Variants in AHCY observed in about 807,000 individuals in gnomAD.
The protein encoded by AHCY is S-adenosyl-L-homocysteine hydrolase.
In AHCY, 24 loss-of-function variants were observed where a neutral mutation model predicts 45.4. The ratio of observed to expected loss-of-function variants is 0.53; its 90% confidence interval spans 0.38 to 0.74. The LOEUF (loss-of-function observed/expected upper bound fraction) is 0.74. AHCY is among the 30% of genes least tolerant of loss of function. AHCY has a pLI of 0.00. For synonymous variants in AHCY, 245 were observed against 235.1 expected, an observed-to-expected ratio of 1.04 and a Z score of -0.39; for missense variants, 449 against 594.1, an observed-to-expected ratio of 0.76 and a Z score of 2.54.
chr20:34,275,825 C>T (rs1036980955), downstream of AHCY, among the ~76,000 whole-genome samples: 2 of 151,854 alleles, frequency 1.3e-5, no homozygotes, highest in Non-Finnish European at 2.9e-5. Context: ...TACAGGCGTG[C>T]ATCACCATGC....
At chr20:34,258,222 A>G in the AHCY span, among the ~76,000 whole-genome samples, 10 of 151,964 alleles carry the variant, frequency 6.6e-5, no homozygotes, top group Non-Finnish European at 1.3e-4. Context: ...AGCAAACATG[A>G]TGTTCTTATT....
chr20:34,281,395 G>A (rs1168201831), intron 9 of AHCY, among the ~76,000 whole-genome samples: 2 of 152,190 alleles, frequency 1.3e-5, no homozygotes, highest in Non-Finnish European at 2.9e-5. Context: ...GGCTTGACAG[G>A]ACCATCAATC....
At chr20:34,246,390 G>GGTT in the AHCY span, 3 of 1,407,816 alleles carry the variant, frequency 2.1e-6, no homozygotes, top group Non-Finnish European at 3.0e-6. Context: ...TGTTTACAAT[G>GGTT]AGCAACATCA....
At chr20:34,260,713 T>A in the AHCY span, among the ~76,000 whole-genome samples, 1 of 152,214 alleles carries the variant, frequency 6.6e-6, no homozygotes, top group Admixed American at 6.5e-5. Flanking sequence ...AAGCTCTGCA[T>A]GCCACCAGTC....
At chr20:34,291,342 C>T (rs2036385210) in intron 5 of AHCY, 77 bp downstream of exon 5, 3 of 1,351,500 alleles carry the variant, frequency 2.2e-6, no homozygotes, top group Non-Finnish European at 3.2e-6. Context: ...TCTCAGCCTT[C>T]CTGGGCACTC....
At position 34,295,656 on chromosome 20, in the gene AHCY, T is replaced by C. The variant is rs1028088392; in HGVS notation, c.29-71A>G. On this transcript the variant is annotated intron_variant, in intron 1 of 9. Coordinates refer to ENST00000217426, the MANE Select transcript of AHCY (RefSeq NM_000687.4). ...CCAACCAAGAGGGGCGGTCACTGCA[T>C]GGACCCCGATCCACGTGTGGACTCA... is the stretch of plus-strand genomic sequence containing the variant. 29 of 1,509,904 alleles carry C rather than the reference T, an allele frequency of 1.9e-5. No homozygotes were observed. The South Asian group carries it at 3.1e-4, about 16-fold the overall frequency. 93.5% of individuals were successfully genotyped at this position (1,509,904 alleles called of 1,614,324 possible).
the AHCY span, among the ~76,000 whole-genome samples, chr20:34,272,206 G>T: frequency 1.3e-5 from 2 of 152,226 alleles, no homozygotes; most frequent in Admixed American, 6.5e-5. Context: ...GTGGGGCCAA[G>T]AAAGGGTGGT....
At chr20:34,248,764 C>T in the AHCY span, among the ~76,000 whole-genome samples, 1 of 151,920 alleles carries the variant, frequency 6.6e-6, no homozygotes. Flanking sequence ...CTTGCCATTG[C>T]CTTCCAGCCT....
chr20:34,271,950 G>T, the AHCY span, among the ~76,000 whole-genome samples: 1 of 151,474 alleles, frequency 6.6e-6, no homozygotes. Context: ...GCAAACAACA[G>T]AAAGAACTCT....
Position 34,295,074 on chromosome 20 carries a change from C to T in AHCY, c.219+321G>A, listed in dbSNP as rs534627495. 3 of 436,908 alleles carry T rather than the reference C, an allele frequency of 6.9e-6. No homozygotes were observed. In the Admixed American group the frequency reaches 1.0e-4, roughly 15 times the overall value. The allele number at this position is 436,908 out of a possible 1,614,324, so 27.1% of individuals were successfully genotyped here. On this transcript the variant is annotated intron_variant, in intron 2 of 9. Coordinates refer to ENST00000217426, the MANE Select transcript of AHCY (RefSeq NM_000687.4). ...ATGGGTCCAGGGTAGGCCTGTGACC[C>T]CCGAAGGGCCAAGGCAAGCTGGCCC...
downstream of AHCY, among the ~76,000 whole-genome samples, chr20:34,277,352 A>C (rs1231189464): frequency 6.6e-6 from 1 of 152,128 alleles, no homozygotes; most frequent in Non-Finnish European, 1.5e-5. Flanking sequence ...CAGGACTCTA[A>C]GGTTCTCCCT....
chr20:34,265,133 T>C, the AHCY span, among the ~76,000 whole-genome samples: 7 of 152,188 alleles, frequency 4.6e-5, no homozygotes, highest in Non-Finnish European at 1.0e-4. Flanking sequence ...ATAATACATA[T>C]AACATAAAAA....
chr20:34,235,965 G>A, the AHCY span, among the ~76,000 whole-genome samples: 1 of 92,924 alleles, frequency 1.1e-5, no homozygotes, highest in Non-Finnish European at 1.8e-5. Flanking sequence ...AGGAAGGAAG[G>A]AGGGAGGGAG....
intron 2 of AHCY, chr20:34,295,180 A>C (rs1416282959): frequency 1.5e-6 from 1 of 678,378 alleles, no homozygotes; most frequent in Non-Finnish European, 2.6e-6. Flanking sequence ...GGTAGCCAAC[A>C]GTGACCTTCC....
chr20:34,306,079 CAAAAAAA>C (rs56039506), upstream of AHCY, among the ~76,000 whole-genome samples: 53 of 103,104 alleles, frequency 5.1e-4, no homozygotes, highest in Non-Finnish European at 1.0e-3. Context: ...AAGACTGCCT[CAAAAAAA>C]AAAAAAAAAA....
At chr20:34,295,365 ACT>A (rs771915427) in intron 2 of AHCY, 28 bp downstream of exon 2, 1 of 1,613,100 alleles carries the variant, frequency 6.2e-7, no homozygotes, top group Non-Finnish European at 8.5e-7. Flanking sequence ...GAGGGCAAGG[ACT>A]CTGGGGTGAT....
At position 34,292,491 on chromosome 20, in the gene AHCY, G is replaced by A. The variant is rs753399141; in HGVS notation, c.312C>T (p.Gly104=). The A allele has an allele frequency of 6.2e-6, 10 of 1,614,080 alleles. No homozygotes were observed. The highest frequency in any genetic ancestry group is 5.0e-5 in the Admixed American group (3 of 60,026). The change falls in exon 4 of 10, where the codon GGC becomes GGT. Residue 104 remains glycine (G), a synonymous_variant. Coordinates refer to ENST00000217426, the MANE Select transcript of AHCY (RefSeq NM_000687.4). The part of the protein sequence containing the change: ...KAGIPVYAWK[G]ETDEEYLWCI... ...ACCACAGGTACTCCTCGTCCGTTTCGCCCTTCCAGGCATACACTGGAGGGT... is the reference window on the plus strand; with the variant it reads ...ACCACAGGTACTCCTCGTCCGTTTCACCCTTCCAGGCATACACTGGAGGGT...
chr20:34,259,340 C>A, the AHCY span, among the ~76,000 whole-genome samples: 1 of 151,926 alleles, frequency 6.6e-6, no homozygotes, highest in Non-Finnish European at 1.5e-5. Context: ...TGGTGAAATC[C>A]CGTCTTTACT....
At chr20:34,305,229 CAGG>C (rs762446342), upstream of AHCY, among the ~76,000 whole-genome samples, 43 of 151,488 alleles carry the variant, frequency 2.8e-4, no homozygotes, top group Non-Finnish European at 4.6e-4. Flanking sequence ...AAGGCTGAGG[CAGG>C]AGAATGGCGT....
Sources: allele counts gnomAD v4.1 joint callset (sites outside exome capture counted in the v4.1 genomes callset), GRCh38; gene constraint gnomAD v4.1.1; transcripts MANE v1.5; gene names NCBI Gene and HGNC (gene_info 2026-07-23, HGNC 2026-07-21).